SAMD3: variants seen among roughly 807,000 people sequenced by gnomAD.
The protein encoded by SAMD3 is sterile alpha motif domain containing 3.
A neutral mutation model predicts 58.5 loss-of-function variants in SAMD3; 63 were observed. That is an observed-to-expected ratio of 1.08 (90% CI 0.88 to 1.33). The LOEUF is 1.33. SAMD3 is among the 40% of genes most tolerant of loss of function. SAMD3 has a pLI of 0.00. For synonymous variants in SAMD3, 220 were observed against 210.3 expected, an observed-to-expected ratio of 1.05 and a Z score of -0.40; for missense variants, 604 against 608.4, an observed-to-expected ratio of 0.99 and a Z score of 0.08.
At chr6:130,211,141 A>T (rs919834612) in intron 4 of SAMD3, among the ~76,000 whole-genome samples, 6 of 152,122 alleles carry the variant, frequency 3.9e-5, no homozygotes, top group African/African-American at 1.4e-4. Context: ...AGAAACATTT[A>T]TGATCTATTC....
intron 1 of SAMD3, among the ~76,000 whole-genome samples, chr6:130,317,358 C>G (rs189969580): frequency 6.6e-6 from 1 of 152,096 alleles, no homozygotes. Context: ...ATTTGTTGGA[C>G]GCCTACTACG....
intron 8 of SAMD3, among the ~76,000 whole-genome samples, chr6:130,157,180 C>A (rs898097220): frequency 5.9e-5 from 9 of 151,748 alleles, no homozygotes; most frequent in African/African-American, 2.2e-4. Context: ...ACGTCATATA[C>A]TGCATTAATT....
At chr6:130,235,347 G>C (rs1181218891) in intron 2 of SAMD3, among the ~76,000 whole-genome samples, 1 of 152,110 alleles carries the variant, frequency 6.6e-6, no homozygotes, top group Non-Finnish European at 1.5e-5. Flanking sequence ...CCAATTCCAA[G>C]TCTTTGCACT....
intron 1 of SAMD3, among the ~76,000 whole-genome samples, chr6:130,363,463 A>T (rs1333002245): frequency 6.6e-6 from 1 of 152,100 alleles, no homozygotes; most frequent in African/African-American, 2.4e-5. Context: ...ACCTTTTTTC[A>T]TGTTAATTCT....
chr6:130,347,120 A>T (rs1228520464), intron 1 of SAMD3, among the ~76,000 whole-genome samples: 1 of 152,186 alleles, frequency 6.6e-6, no homozygotes, highest in Non-Finnish European at 1.5e-5. Flanking sequence ...TAAAACCACA[A>T]AGATGGGGAA....
chr6:130,184,428 TGTCACTCACA>T lies in SAMD3; in HGVS notation c.569_569+9del, dbSNP rs1792729787. 6.2e-7 allele frequency: 1 copy of T among 1,611,958 alleles called. No homozygotes were observed. Among genetic ancestry groups the T allele is most frequent in the African/African-American group, 1.3e-5 (1 of 74,908 alleles). ...TCCCAAAGCAGCAAGCTTGTCCTGT[TGTCACTCACA>T]GTGAGCCTTCCAGATACTTAGTCAT... On this transcript the variant is annotated splice_donor_variant and splice_donor_5th_base_variant and coding_sequence_variant and intron_variant, in exon 6 of 12. Transcript: ENST00000439090. LOFTEE classifies it high-confidence loss of function.
At chr6:130,236,544 C>T (rs567418552) in intron 2 of SAMD3, among the ~76,000 whole-genome samples, 155 of 152,144 alleles carry the variant, frequency 1.0e-3, no homozygotes, top group Admixed American at 4.5e-3. Context: ...CCACCGCACC[C>T]GGCTAATTTT....
chr6:130,180,953 C>CTTTCTTTTTTTTTTTTTTT (rs56707260), intron 7 of SAMD3, among the ~76,000 whole-genome samples: 6 of 117,360 alleles, frequency 5.1e-5, no homozygotes, highest in Admixed American at 1.8e-4. Flanking sequence ...TTCTTTCTTT[C>CTTTCTTTTTTTTTTTTTTT]TTTTTTCTTT....
chr6:130,281,158 A>G (rs1250013022), intron 2 of SAMD3, among the ~76,000 whole-genome samples: 1 of 152,192 alleles, frequency 6.6e-6, no homozygotes, highest in Non-Finnish European at 1.5e-5. Context: ...ATCCCATTGT[A>G]CTGTCCTCCC....
At chr6:130,215,837 C>T in intron 2 of SAMD3, 1 of 1,534,882 alleles carries the variant, frequency 6.5e-7, no homozygotes, top group Non-Finnish European at 8.7e-7. Flanking sequence ...TTGTAACTTG[C>T]TGCTTCTCAT....
chr6:130,198,265 A>G (rs921158160), intron 5 of SAMD3, among the ~76,000 whole-genome samples: 2 of 152,182 alleles, frequency 1.3e-5, no homozygotes, highest in African/African-American at 4.8e-5. Flanking sequence ...GTGAAGTGGC[A>G]CAATGATGAC....
intron 5 of SAMD3, among the ~76,000 whole-genome samples, chr6:130,190,764 C>A (rs1160038364): frequency 6.6e-6 from 1 of 151,980 alleles, no homozygotes; most frequent in African/African-American, 2.4e-5. Flanking sequence ...CCTCTGTGAT[C>A]CATCATCCAA....
In SAMD3 at chr6:130,144,320, T is replaced by C; in HGVS notation, c.*200A>G. ...TCAAAATAAATCGACAGCTCTTTAA[T>C]GAAGTAGAATTTTATTACAGAATTT... On this transcript the variant is annotated 3_prime_UTR_variant, in exon 12 of 12. Coordinates refer to ENST00000439090, the MANE Select transcript of SAMD3 (RefSeq NM_001017373.4). The C allele has an allele frequency of 1.8e-6, 1 of 557,522 alleles. No homozygotes were observed. The allele number at this position is 557,522 out of a possible 1,614,324, so 34.5% of individuals were successfully genotyped here.
chr6:130,365,713 C>T (rs1778119125), upstream of SAMD3: 1 of 985,388 alleles, frequency 1.0e-6, no homozygotes, highest in African/African-American at 1.7e-5. Context: ...GGAAGAGCGC[C>T]TGCAAGCGGG....
intron 2 of SAMD3, among the ~76,000 whole-genome samples, chr6:130,292,736 A>C (rs1775419832): frequency 6.6e-6 from 1 of 152,048 alleles, no homozygotes; most frequent in African/African-American, 2.4e-5. Flanking sequence ...CTCCTGCCTC[A>C]GCCTCCCAAG....
chr6:130,283,343 T>A (rs1014592194), intron 2 of SAMD3, among the ~76,000 whole-genome samples: 10 of 152,186 alleles, frequency 6.6e-5, no homozygotes, highest in Admixed American at 5.9e-4. Context: ...GTTGAGGTAA[T>A]GGCTGAGAGT....
intron 1 of SAMD3, among the ~76,000 whole-genome samples, chr6:130,343,870 C>T (rs994410682): frequency 1.3e-5 from 2 of 151,920 alleles, no homozygotes; most frequent in Non-Finnish European, 2.9e-5. Context: ...GAGGCCGAGG[C>T]GGGAGAATCG....
Position 130,144,468 on chromosome 6 carries a change from T to C in SAMD3, c.*52A>G, listed in dbSNP as rs567599373. 4.0e-5 allele frequency: 62 copies of C among 1,554,566 alleles called. No homozygotes were observed. The highest frequency in any genetic ancestry group is 4.8e-5 in the Non-Finnish European group (55 of 1,147,882). On this transcript the variant is annotated 3_prime_UTR_variant, in exon 12 of 12. Coordinates refer to ENST00000439090, the MANE Select transcript of SAMD3 (RefSeq NM_001017373.4). Reference sequence around the variant, plus strand: ...AACCCTAAATCAAAACAATTTCTTATGAAGCTTCAGTTTTCCCAGAGGTAA... The same window carrying C: ...AACCCTAAATCAAAACAATTTCTTACGAAGCTTCAGTTTTCCCAGAGGTAA...
At chr6:130,258,629 T>C (rs904076716) in intron 2 of SAMD3, among the ~76,000 whole-genome samples, 1 of 152,200 alleles carries the variant, frequency 6.6e-6, no homozygotes, top group Admixed American at 6.5e-5. Context: ...AGAGTCTTTA[T>C]GCTCCTTCAT....
Sources: allele counts gnomAD v4.1 joint callset (sites outside exome capture counted in the v4.1 genomes callset), GRCh38; gene constraint gnomAD v4.1.1; transcripts MANE v1.5; gene names NCBI Gene and HGNC (gene_info 2026-07-23, HGNC 2026-07-21).